The following ODF2L variants were observed in gnomAD, a reference collection of about 807,000 sequenced individuals.
ODF2L encodes outer dense fiber of sperm tails 2 like.
In ODF2L, 76 loss-of-function variants were observed where a neutral mutation model predicts 86.3. The observed-to-expected ratio is 0.88, with a 90% CI of 0.73 to 1.07. The LOEUF is 1.07. Ranked by LOEUF, ODF2L falls within the 50% of genes least tolerant of loss-of-function variation. The pLI, the probability that ODF2L is intolerant of heterozygous loss-of-function variation, is 0.00. For synonymous variants in ODF2L, 241 were observed against 231.3 expected (o/e 1.04, Z -0.38); for missense variants, 748 against 717.4 (o/e 1.04, Z -0.49).
At chr1:86,364,515 A>C (rs567542506) in intron 11 of ODF2L, among the ~76,000 whole-genome samples, 27 of 152,338 alleles carry the variant, frequency 1.8e-4, no homozygotes, top group African/African-American at 6.3e-4. Flanking sequence ...ATGAGTATTC[A>C]TATTTGGCTA....
chr1:86,372,688 T>C (rs1274323731), intron 8 of ODF2L, 148 bp from the exon 9 acceptor site: 9 of 440,742 alleles, frequency 2.0e-5, no homozygotes, highest in Non-Finnish European at 3.6e-5. Context: ...TGCATGTTTA[T>C]AGCAGTGCAA....
chr1:86,381,277 T>C (rs1660566012), intron 7 of ODF2L, among the ~76,000 whole-genome samples: 1 of 152,184 alleles, frequency 6.6e-6, no homozygotes. Flanking sequence ...GATGATTATC[T>C]AATATGTTCA....
intron 12 of ODF2L, among the ~76,000 whole-genome samples, chr1:86,359,896 A>G (rs552271510): frequency 6.6e-6 from 1 of 152,310 alleles, no homozygotes; most frequent in South Asian, 2.1e-4. Flanking sequence ...GTCCCATCTT[A>G]TGAAGTTTTT....
At chr1:86,360,204 G>A (rs1658930028) in intron 12 of ODF2L, among the ~76,000 whole-genome samples, 2 of 152,030 alleles carry the variant, frequency 1.3e-5, no homozygotes, top group African/African-American at 4.8e-5. Context: ...TCTACTTTTA[G>A]GAATATCCAG....
intron 11 of ODF2L, among the ~76,000 whole-genome samples, chr1:86,362,939 G>A (rs1375632980): frequency 6.6e-6 from 1 of 152,140 alleles, no homozygotes; most frequent in Non-Finnish European, 1.5e-5. Context: ...ATTACAGCGT[G>A]AGACACCACA....
At chr1:86,355,463 C>G (rs1353611350) in intron 14 of ODF2L, 2 of 756,212 alleles carry the variant, frequency 2.6e-6, no homozygotes, top group African/African-American at 3.6e-5. Flanking sequence ...TTAGGCTAAT[C>G]TATGTCGTTT....
intron 1 of ODF2L, among the ~76,000 whole-genome samples, chr1:86,393,051 C>T (rs1217547537): frequency 6.6e-6 from 1 of 152,128 alleles, no homozygotes; most frequent in African/African-American, 2.4e-5. Context: ...TGCTCAGGGA[C>T]CATGATGCTA....
intron 11 of ODF2L, among the ~76,000 whole-genome samples, chr1:86,367,088 A>G (rs921524506): frequency 6.6e-6 from 1 of 152,176 alleles, no homozygotes; most frequent in Non-Finnish European, 1.5e-5. Flanking sequence ...AAGAAAAATT[A>G]AAAATGTCAC....
intron 6 of ODF2L, 87 bp from the exon 7 acceptor site, chr1:86,382,445 G>T: frequency 1.3e-6 from 2 of 1,562,850 alleles, no homozygotes; most frequent in Non-Finnish European, 1.7e-6. Flanking sequence ...CCCTGATTTA[G>T]GCACAATCTA....
At chr1:86,356,366 G>T in intron 14 of ODF2L, 78 bp downstream of exon 13, 2 of 1,161,662 alleles carry the variant, frequency 1.7e-6, no homozygotes, top group Non-Finnish European at 2.4e-6. Context: ...GCCCTGACAT[G>T]AGTGCCCTCA....
intron 8 of ODF2L, among the ~76,000 whole-genome samples, chr1:86,373,864 T>G (rs1429699407): frequency 6.6e-6 from 1 of 152,222 alleles, no homozygotes; most frequent in Non-Finnish European, 1.5e-5. Flanking sequence ...ATTTTGAATG[T>G]GAACTCCCAT....
At chr1:86,380,954 C>CA (rs145985651) in intron 7 of ODF2L, among the ~76,000 whole-genome samples, 22,859 of 141,024 alleles carry the variant, frequency 0.16, 1,878 homozygotes, top group East Asian at 0.29. Flanking sequence ...GATTCATACT[C>CA]AAAAAAAAAA....
intron 14 of ODF2L, 46 bp from the exon 14 acceptor site, chr1:86,354,905 A>C (rs2100748314): frequency 9.7e-7 from 1 of 1,025,846 alleles, no homozygotes; most frequent in East Asian, 2.4e-5. Context: ...TTCACAATCA[A>C]CTTCCAAAGA....
At chr1:86,395,890 G>A (rs887777193) in intron 1 of ODF2L, 143 bp downstream of exon 1, 4 of 152,304 alleles carry the variant, frequency 2.6e-5, no homozygotes, top group Admixed American at 6.5e-5. Flanking sequence ...TTTGCGCGGA[G>A]GGGGCTGGGT....
intron 12 of ODF2L, 146 bp downstream of exon 11, chr1:86,360,280 C>A: frequency 1.9e-6 from 1 of 520,180 alleles, no homozygotes; most frequent in Non-Finnish European, 3.4e-6. Flanking sequence ...ATGTGTGGGA[C>A]CTTAAGAAAT....
chr1:86,370,534 A>G (rs1659719372), intron 10 of ODF2L, among the ~76,000 whole-genome samples: 1 of 152,100 alleles, frequency 6.6e-6, no homozygotes, highest in Admixed American at 6.6e-5. Context: ...GGTTGTATGT[A>G]TCTCTGGTTG....
chr1:86,355,801 A>G (rs920700759), intron 14 of ODF2L, among the ~76,000 whole-genome samples: 1 of 152,104 alleles, frequency 6.6e-6, no homozygotes, highest in African/African-American at 2.4e-5. Flanking sequence ...TTGCAAAATT[A>G]AAATCCAGAT....
intron 11 of ODF2L, among the ~76,000 whole-genome samples, chr1:86,367,397 G>C (rs948709658): frequency 6.6e-6 from 1 of 152,032 alleles, no homozygotes; most frequent in African/African-American, 2.4e-5. Context: ...TTGGAACCAG[G>C]GTAGCAGTCA....
chr1:86,380,727 T>C (rs1355382911), intron 7 of ODF2L, among the ~76,000 whole-genome samples: 2 of 152,154 alleles, frequency 1.3e-5, no homozygotes, highest in African/African-American at 2.4e-5. Flanking sequence ...TGTATACATG[T>C]CACATTTTAT....
Sources: allele counts gnomAD v4.1 joint callset (sites outside exome capture counted in the v4.1 genomes callset), GRCh38; gene constraint gnomAD v4.1.1; transcripts MANE v1.5; gene names NCBI Gene and HGNC (gene_info 2026-07-23, HGNC 2026-07-21).